The following SLC38A6 variants were observed in gnomAD, a reference collection of about 807,000 sequenced individuals.
The protein encoded by SLC38A6 is solute carrier family 38 member 6.
SLC38A6 carries 73 observed loss-of-function variants against 65.0 expected under a neutral mutation model. That is an observed-to-expected ratio of 1.12 (90% CI 0.93 to 1.37). SLC38A6 has a LOEUF of 1.37. Among genes scored for constraint, SLC38A6 ranks in the 40% most tolerant of loss-of-function variants. The pLI, the probability that SLC38A6 is intolerant of heterozygous loss-of-function variation, is 0.00. For missense variants in SLC38A6, 561 were observed against 531.1 expected (o/e 1.06, Z -0.55); for synonymous variants, 183 against 178.8 (o/e 1.02, Z -0.19).
intron 3 of SLC38A6, among the ~76,000 whole-genome samples, chr14:60,995,405 A>G (rs1226659619): frequency 6.6e-6 from 1 of 152,238 alleles, no homozygotes; most frequent in East Asian, 1.9e-4. Context: ...TTCATGTGGA[A>G]TCTAAAAAAG....
At chr14:61,053,356 G>C (rs2042599379), downstream of SLC38A6, among the ~76,000 whole-genome samples, 1 of 152,086 alleles carries the variant, frequency 6.6e-6, no homozygotes, top group African/African-American at 2.4e-5. Flanking sequence ...ACATTTACGT[G>C]CATGTGTCTT....
chr14:61,043,613 C>A, intron 10 of SLC38A6, 110 bp downstream of exon 10: 9 of 612,854 alleles, frequency 1.5e-5, no homozygotes, highest in African/African-American at 1.9e-5. Flanking sequence ...AATTAATTTT[C>A]ATGAAAGTGC....
At chr14:61,083,705 G>A (rs746942580) in exon 17 of SLC38A6, 1 of 1,547,146 alleles carries the variant, frequency 6.5e-7, no homozygotes, top group South Asian at 1.2e-5. Flanking sequence ...AGAACTGTGA[G>A]CAAATAAATG....
At chr14:61,017,552 CAAA>C (rs1434330379) in intron 4 of SLC38A6, among the ~76,000 whole-genome samples, 1 of 152,056 alleles carries the variant, frequency 6.6e-6, no homozygotes, top group African/African-American at 2.4e-5. Context: ...CTAGTTTAAA[CAAA>C]GAAGAAAATA....
At chr14:61,039,351 G>A (rs893952039) in intron 8 of SLC38A6, among the ~76,000 whole-genome samples, 1 of 151,668 alleles carries the variant, frequency 6.6e-6, no homozygotes, top group African/African-American at 2.4e-5. Flanking sequence ...CTTTTTAATT[G>A]GCATGTTTAT....
chr14:61,054,533 G>GT (rs1237338588), downstream of SLC38A6, among the ~76,000 whole-genome samples: 1 of 152,050 alleles, frequency 6.6e-6, no homozygotes, highest in Non-Finnish European at 1.5e-5. Context: ...ATTTGTTTGT[G>GT]TCTTCTCTGA....
intron 3 of SLC38A6, among the ~76,000 whole-genome samples, chr14:60,997,625 C>T (rs1343339507): frequency 3.9e-5 from 6 of 152,148 alleles, no homozygotes; most frequent in East Asian, 1.9e-4. Context: ...GCAGTCAGGC[C>T]GGGCTGTTAA....
At chr14:61,043,693 CTTTT>C (rs34559752) in intron 10 of SLC38A6, among the ~76,000 whole-genome samples, 190 bp downstream of exon 10, 1 of 107,346 alleles carries the variant, frequency 9.3e-6, no homozygotes, top group Non-Finnish European at 1.9e-5. Context: ...AAACAGCCAC[CTTTT>C]TTTTTTTTTT....
intron 3 of SLC38A6, among the ~76,000 whole-genome samples, chr14:60,985,569 T>C (rs1594949680): frequency 1.3e-5 from 2 of 152,222 alleles, no homozygotes; most frequent in African/African-American, 2.4e-5. Flanking sequence ...AATCATGGGT[T>C]TAATTCTTAT....
chr14:61,030,382 A>G (rs2040897712), intron 5 of SLC38A6, 63 bp from the exon 6 acceptor site: 3 of 1,258,614 alleles, frequency 2.4e-6, no homozygotes, highest in Non-Finnish European at 3.4e-6. Context: ...TCCTAGATGG[A>G]TTATTGTTTA....
chr14:61,028,307 A>G (rs1165466085), intron 5 of SLC38A6, among the ~76,000 whole-genome samples: 1 of 152,188 alleles, frequency 6.6e-6, no homozygotes, highest in African/African-American at 2.4e-5. Context: ...ATGGGCAGAT[A>G]ATAAATTACA....
Position 61,052,430 on chromosome 14 carries a change from A to AT in SLC38A6, c.*1_*2insT, listed in dbSNP as rs1162100437. ...CATTTTTGATTGGATTAATAAATAA[A>AT]AGAAATATTTTCCTACTTCTTACAA... On this transcript the variant is annotated 3_prime_UTR_variant, in exon 16 of 16. Transcript: ENST00000267488. 6.4e-7 allele frequency: 1 copy of AT among 1,559,906 alleles called. No individual in the cohort carries two copies. Among genetic ancestry groups the AT allele is most frequent in the Non-Finnish European group, 8.6e-7 (1 of 1,157,542 alleles).
Position 60,998,895 on chromosome 14 carries a change from G to A in SLC38A6, c.310+14092G>A, listed in dbSNP as rs548691188. Among the ~76,000 whole-genome samples, 71 of 152,318 alleles carry A rather than the reference G, an allele frequency of 4.7e-4. No individual in the cohort carries two copies. The South Asian group carries it at 5.2e-3, about 11-fold the overall frequency. ...TCGTGGGGGATCAGGGGACTCTCCCGTTTCAACTTTCCCTTAGTTGGAGGG... is the reference window on the plus strand; with the variant it reads ...TCGTGGGGGATCAGGGGACTCTCCCATTTCAACTTTCCCTTAGTTGGAGGG... On this transcript the variant is annotated intron_variant, in intron 3 of 15. Coordinates refer to ENST00000267488, the MANE Select transcript of SLC38A6 (RefSeq NM_153811.3).
At chr14:61,038,820 A>T (rs2041581912) in intron 8 of SLC38A6, among the ~76,000 whole-genome samples, 2 of 152,242 alleles carry the variant, frequency 1.3e-5, no homozygotes, top group South Asian at 4.1e-4. Flanking sequence ...ATTTAACAAC[A>T]TTAAAATCAT....
rs555933838 is a variant in SLC38A6, at chr14:61,012,448, G to A, written c.311-3456G>A. 1.7e-3 allele frequency among the ~76,000 whole-genome samples: 260 copies of A among 152,112 alleles called. 1 individual carries two copies. The highest frequency in any genetic ancestry group is 5.5e-3 in the African/African-American group (229 of 41,500). On this transcript the variant is annotated intron_variant, in intron 3 of 15. Coordinates refer to ENST00000267488, the MANE Select transcript of SLC38A6 (RefSeq NM_153811.3). ...CTAGCTTTTGAATGTGTTTGCTCTT[G>A]CTTCTCTAGTTCTTTTATTGTGATG... is the stretch of plus-strand genomic sequence containing the variant.
intron 3 of SLC38A6, chr14:61,002,015 GT>G (rs1338089406): frequency 6.6e-6 from 1 of 152,052 alleles, no homozygotes; most frequent in East Asian, 1.9e-4. Context: ...ATATTTGTTT[GT>G]TTTTATCCAT....
At chr14:60,987,104 C>CA in intron 3 of SLC38A6, 1 of 392,906 alleles carries the variant, frequency 2.5e-6, no homozygotes, top group Non-Finnish European at 5.0e-6. Flanking sequence ...CACATTGACT[C>CA]ACCTGTCTTC....
chr14:61,009,458 A>T (rs1028436898), intron 3 of SLC38A6, among the ~76,000 whole-genome samples: 1 of 152,158 alleles, frequency 6.6e-6, no homozygotes, highest in South Asian at 2.1e-4. Flanking sequence ...ACATATGGAT[A>T]CATGTGCCAT....
intron 10 of SLC38A6, 81 bp from the exon 11 acceptor site, chr14:61,045,265 G>C: frequency 1.1e-6 from 1 of 881,012 alleles, no homozygotes; most frequent in Non-Finnish European, 1.8e-6. Context: ...ATTTTTTAAA[G>C]AACTGAGTTT....
Sources: gnomAD v4.1 joint callset for allele counts (sites outside exome capture counted in the v4.1 genomes callset) on GRCh38, gnomAD v4.1.1 for gene constraint, MANE v1.5 for transcripts, NCBI Gene and HGNC (gene_info 2026-07-23, HGNC 2026-07-21) for gene names.